The following IFT81 variants were observed in gnomAD, a reference collection of about 807,000 sequenced individuals.
IFT81 encodes intraflagellar transport protein 81 homolog.
A neutral mutation model predicts 102.6 loss-of-function variants in IFT81; 72 were observed. The ratio of observed to expected loss-of-function variants is 0.70; its 90% confidence interval spans 0.58 to 0.85. The LOEUF is 0.85. Among genes scored for constraint, IFT81 ranks in the 40% least tolerant of loss-of-function variants. IFT81 has a pLI of 0.00. For synonymous variants in IFT81, 237 were observed against 242.7 expected (o/e 0.98, Z 0.22); for missense variants, 723 against 787.3 (o/e 0.92, Z 0.98).
At chr12:110,140,902 T>G (rs1044225326) in intron 8 of IFT81, among the ~76,000 whole-genome samples, 3 of 150,930 alleles carry the variant, frequency 2.0e-5, no homozygotes, top group Non-Finnish European at 4.4e-5. Flanking sequence ...TTTGTATATT[T>G]TTTTAGTAGA....
At chr12:110,161,609 A>G (rs1896138959) in intron 10 of IFT81, among the ~76,000 whole-genome samples, 1 of 148,206 alleles carries the variant, frequency 6.7e-6, no homozygotes, top group African/African-American at 2.5e-5. Flanking sequence ...ACACTCAGCT[A>G]TTTTTTTTTT....
intron 11 of IFT81, 56 bp downstream of exon 11, chr12:110,163,121 A>G (rs1896233323): frequency 2.1e-6 from 3 of 1,424,288 alleles, no homozygotes; most frequent in South Asian, 2.6e-5. Flanking sequence ...ATGTGAAACT[A>G]TTAGTGTGTT....
chr12:110,208,575 A>G (rs1216337931), intron 17 of IFT81, among the ~76,000 whole-genome samples: 3 of 152,180 alleles, frequency 2.0e-5, no homozygotes, highest in African/African-American at 7.2e-5. Flanking sequence ...CCACTTCAGT[A>G]TTTATAGATT....
intron 14 of IFT81, among the ~76,000 whole-genome samples, chr12:110,196,510 A>G (rs111982647): frequency 6.6e-6 from 1 of 152,102 alleles, no homozygotes; most frequent in Admixed American, 6.6e-5. Flanking sequence ...ACAGAGCGAG[A>G]CTCCGTCTCA....
At chr12:110,201,229 C>A (rs1212566900) in intron 14 of IFT81, among the ~76,000 whole-genome samples, 2 of 151,730 alleles carry the variant, frequency 1.3e-5, no homozygotes, top group Admixed American at 1.3e-4. Flanking sequence ...ATGGTGAAAC[C>A]TTGTCTCTAC....
chr12:110,218,179 A>G lies in IFT81; in HGVS notation c.1984A>G (p.Ile662Val), dbSNP rs1277501017. The change falls in exon 19 of 19, where the codon ATT (isoleucine) becomes GTT (valine). Residue 662 changes from isoleucine to valine, a missense_variant. Transcript: ENST00000242591. ...TCTGAAACAACAAAGCCAAACTTCC[A>G]TTGGTCAGGTAATTCAGGAGGGTGG... ...CFLKQQSQTS[I>V]GQVIQEGGED... is the part of the protein sequence containing the mutation. 1.9e-6 allele frequency: 3 copies of G among 1,584,612 alleles called. No individual in the cohort carries two copies. Among genetic ancestry groups the G allele is most frequent in the South Asian group, 1.2e-5 (1 of 85,086 alleles).
At chr12:110,199,725 T>C (rs1302014882) in intron 14 of IFT81, among the ~76,000 whole-genome samples, 3 of 152,152 alleles carry the variant, frequency 2.0e-5, no homozygotes, top group African/African-American at 7.2e-5. Flanking sequence ...TCCAACAATC[T>C]TTTATTCTGT....
At chr12:110,132,332 C>T (rs1463402987) in intron 4 of IFT81, among the ~76,000 whole-genome samples, 3 of 151,764 alleles carry the variant, frequency 2.0e-5, no homozygotes, top group Admixed American at 6.6e-5. Flanking sequence ...TGGTGGCGCG[C>T]GCATGTAATC....
At chr12:110,202,049 A>G (rs1457807195) in intron 14 of IFT81, among the ~76,000 whole-genome samples, 2 of 152,232 alleles carry the variant, frequency 1.3e-5, no homozygotes, top group African/African-American at 4.8e-5. Flanking sequence ...ATAGTAGTTT[A>G]TTATCATCAA....
intron 17 of IFT81, 53 bp downstream of exon 17, chr12:110,205,733 A>G: frequency 8.7e-7 from 1 of 1,143,982 alleles, no homozygotes; most frequent in Non-Finnish European, 1.3e-6. Context: ...CACCAATAAA[A>G]GTTTTATAAA....
At chr12:110,146,823 G>C in intron 9 of IFT81, 130 bp from the exon 10 acceptor site, 1 of 1,159,524 alleles carries the variant, frequency 8.6e-7, no homozygotes, top group Non-Finnish European at 1.1e-6. Flanking sequence ...AATTAGTCTA[G>C]GTGAAACTGA....
At chr12:110,130,365 CT>C (rs557142989) in intron 4 of IFT81, among the ~76,000 whole-genome samples, 387 of 138,980 alleles carry the variant, frequency 2.8e-3, no homozygotes, top group Middle Eastern at 7.2e-3. Flanking sequence ...TTGATTAAGT[CT>C]TTTTTTTTTT....
intron 11 of IFT81, among the ~76,000 whole-genome samples, chr12:110,180,166 A>G (rs1322840532): frequency 6.6e-6 from 1 of 151,598 alleles, no homozygotes; most frequent in Admixed American, 6.6e-5. Context: ...CAAATAAGTA[A>G]CAGGAGTTTA....
intron 11 of IFT81, among the ~76,000 whole-genome samples, chr12:110,174,016 G>A (rs566203694): frequency 6.6e-6 from 1 of 151,842 alleles, no homozygotes; most frequent in South Asian, 2.1e-4. Flanking sequence ...GGTGGCTCAC[G>A]CCTGTAATCC....
At chr12:110,174,438 A>C (rs1049424510) in intron 11 of IFT81, among the ~76,000 whole-genome samples, 13 of 149,276 alleles carry the variant, frequency 8.7e-5, no homozygotes, top group Non-Finnish European at 1.9e-4. Flanking sequence ...CTGGGAGACA[A>C]GAGCAAGACT....
At chr12:110,147,157 G>A (rs1019208286) in intron 10 of IFT81, 109 bp downstream of exon 10, 11 of 757,924 alleles carry the variant, frequency 1.5e-5, no homozygotes, top group Non-Finnish European at 2.2e-5. Flanking sequence ...AATAAATGTT[G>A]TTCTGTCACT....
chr12:110,203,501 G>C (rs1898410717), intron 14 of IFT81: 1 of 188,346 alleles, frequency 5.3e-6, no homozygotes, highest in African/African-American at 2.4e-5. Context: ...GCCTGGGTTA[G>C]GTTCCCGGGA....
Position 110,128,086 on chromosome 12 carries a change from C to T in IFT81, c.185C>T (p.Ala62Val). 1 of 1,613,612 alleles carries T rather than the reference C, an allele frequency of 6.2e-7. No homozygotes were observed. Residue 62 changes from alanine (A) to valine (V), a missense_variant, in exon 3 of 19, where the codon GCC (alanine) becomes GTC (valine). Physicochemically the swap from Ala to Val is moderately conservative, Grantham distance 64 (BLOSUM62 0). Transcript: ENST00000242591. ...AGAGAGGAGATGCCAGAGCAGACAG[C>T]CAAACGAATGTTGAGCCTTCTTGGT... is the stretch of plus-strand genomic sequence containing the variant. ...DIREEMPEQT[A>V]KRMLSLLGIL...
chr12:110,128,823 T>G (rs1893999210), intron 3 of IFT81, 127 bp from the exon 4 acceptor site: 2 of 663,888 alleles, frequency 3.0e-6, no homozygotes, highest in Non-Finnish European at 5.0e-6. Flanking sequence ...TTCCTTGGGT[T>G]TATCTTTTTT....
Sources: gnomAD v4.1 joint callset for allele counts (sites outside exome capture counted in the v4.1 genomes callset) on GRCh38, gnomAD v4.1.1 for gene constraint, MANE v1.5 for transcripts, NCBI Gene and HGNC (gene_info 2026-07-23, HGNC 2026-07-21) for gene names.